Variants in NAALADL2 observed in about 807,000 individuals in gnomAD.
The protein encoded by NAALADL2 is inactive N-acetylated-alpha-linked acidic dipeptidase-like protein 2.
In NAALADL2, 76 loss-of-function variants were observed where a neutral mutation model predicts 87.2. The ratio of observed to expected loss-of-function variants is 0.87; its 90% confidence interval spans 0.72 to 1.05. The LOEUF is 1.05. NAALADL2 is among the 50% of genes least tolerant of loss of function. The probability of loss-of-function intolerance (pLI) is 0.00; values close to 1 mark genes in which losing one functional copy is unlikely to be tolerated. For synonymous variants in NAALADL2, 354 were observed against 331.0 expected (o/e 1.07, Z -0.75); for missense variants, 1,089 against 945.8 (o/e 1.15, Z -1.99).
intron 11 of NAALADL2, 49 bp downstream of exon 11, chr3:175,627,435 T>C: frequency 8.2e-7 from 1 of 1,225,522 alleles, no homozygotes; most frequent in East Asian, 2.5e-5. Context: ...TTGTTCTTCT[T>C]TATTGGTAGA....
chr3:175,021,167 C>T (rs562870425), intron 1 of NAALADL2, among the ~76,000 whole-genome samples: 2 of 152,032 alleles, frequency 1.3e-5, no homozygotes, highest in South Asian at 4.1e-4. Flanking sequence ...TGAAGGTCTC[C>T]TGTGTTTAGT....
intron 2 of NAALADL2, among the ~76,000 whole-genome samples, chr3:174,562,869 C>T (rs1009912421): frequency 6.6e-6 from 1 of 151,958 alleles, no homozygotes; most frequent in African/African-American, 2.4e-5. Flanking sequence ...TAAAGATTCA[C>T]CATTTGACCT....
chr3:175,005,980 T>A (rs766622359), intron 1 of NAALADL2, among the ~76,000 whole-genome samples: 21 of 152,224 alleles, frequency 1.4e-4, no homozygotes, highest in Non-Finnish European at 1.9e-4. Flanking sequence ...CAATATACTT[T>A]GAAATATTTA....
intron 9 of NAALADL2, among the ~76,000 whole-genome samples, chr3:175,499,386 C>A (rs1177429612): frequency 6.6e-6 from 1 of 151,998 alleles, no homozygotes; most frequent in East Asian, 1.9e-4. Flanking sequence ...GCGTAAGAGT[C>A]TCTTAATGCT....
chr3:175,677,478 G>GGTGTGTGTGTGT (rs144329998), intron 11 of NAALADL2, among the ~76,000 whole-genome samples: 4 of 140,122 alleles, frequency 2.9e-5, no homozygotes, highest in African/African-American at 1.0e-4. Flanking sequence ...AGTATAATGG[G>GGTGTGTGTGTGT]GTGTGTGTGT....
chr3:175,762,379 T>TTA (rs1291310064), intron 13 of NAALADL2, among the ~76,000 whole-genome samples: 1 of 152,104 alleles, frequency 6.6e-6, no homozygotes, highest in Non-Finnish European at 1.5e-5. Flanking sequence ...AACAATGATA[T>TTA]TATAGGAGAG....
chr3:175,073,196 G>A (rs77046048), intron 1 of NAALADL2, among the ~76,000 whole-genome samples: 16 of 152,108 alleles, frequency 1.1e-4, no homozygotes, highest in African/African-American at 3.9e-4. Flanking sequence ...ATGAGACATT[G>A]TTTGATTAGT....
In NAALADL2 at chr3:174,688,442, C is replaced by T. The variant is rs552136919; in HGVS notation, c.-114-49199C>T. 4.5e-4 allele frequency among the ~76,000 whole-genome samples: 66 copies of T among 147,090 alleles called. No homozygotes were observed. The South Asian group carries it at 4.6e-3, about 10-fold the overall frequency. On this transcript the variant is annotated intron_variant, in intron 2 of 3. Coordinates refer to the NAALADL2 transcript ENST00000434257. ...TCAGTCACATAAGGCAGAGTAAATA[C>T]GAGAAATAGTGTAAAGATTAATTAA...
chr3:175,067,386 A>T (rs536672510), intron 1 of NAALADL2, among the ~76,000 whole-genome samples: 1 of 152,264 alleles, frequency 6.6e-6, no homozygotes, highest in Admixed American at 6.6e-5. Context: ...AGAAACTTAA[A>T]CAACTCAACA....
intron 5 of NAALADL2, among the ~76,000 whole-genome samples, chr3:175,360,792 T>C (rs1356064666): frequency 6.6e-6 from 1 of 151,392 alleles, no homozygotes; most frequent in African/African-American, 2.4e-5. Flanking sequence ...TTCTTTTTTA[T>C]GGCTGAGTAA....
chr3:175,470,544 G>T (rs1724705386), intron 8 of NAALADL2, among the ~76,000 whole-genome samples: 1 of 152,080 alleles, frequency 6.6e-6, no homozygotes, highest in Non-Finnish European at 1.5e-5. Flanking sequence ...TTTGGCAGGT[G>T]TATGAGTCCT....
intron 5 of NAALADL2, among the ~76,000 whole-genome samples, chr3:175,411,782 A>G (rs1372924238): frequency 2.0e-5 from 3 of 152,088 alleles, no homozygotes; most frequent in Admixed American, 2.0e-4. Flanking sequence ...TTTAAAAACA[A>G]TTACGTTGTA....
At chr3:175,385,033 C>CTA (rs1768210934) in intron 5 of NAALADL2, among the ~76,000 whole-genome samples, 1 of 152,012 alleles carries the variant, frequency 6.6e-6, no homozygotes, top group Non-Finnish European at 1.5e-5. Context: ...AACTCAACAT[C>CTA]TATACATAAT....
chr3:174,666,974 C>T (rs935421114), intron 2 of NAALADL2, among the ~76,000 whole-genome samples: 1 of 152,064 alleles, frequency 6.6e-6, no homozygotes, highest in Middle Eastern at 3.2e-3. Flanking sequence ...AACATAGTGT[C>T]CTCAAGGTTT....
chr3:174,447,769 C>G lies in NAALADL2; in HGVS notation c.-184+6737C>G, dbSNP rs565115834. The stretch of plus-strand genomic sequence containing the variant: ...GGCGGAGCTTTCAGTGAGCCGAGAT[C>G]ACACCACTGCACTCCAGCCGGGGCA... On this transcript the variant is annotated intron_variant, in intron 1 of 3. Transcript: ENST00000434257. Among the ~76,000 whole-genome samples, 9 of 151,218 alleles carry G rather than the reference C, an allele frequency of 6.0e-5. No individual in the cohort carries two copies. The East Asian group carries it at 1.8e-3, about 30-fold the overall frequency.
intron 3 of NAALADL2, among the ~76,000 whole-genome samples, chr3:175,246,459 T>C (rs1323047743): frequency 1.3e-5 from 2 of 152,108 alleles, no homozygotes; most frequent in African/African-American, 4.8e-5. Flanking sequence ...GAATGATGGA[T>C]TTGGTTGAAA....
chr3:175,767,059 G>T (rs1012372748), intron 13 of NAALADL2, among the ~76,000 whole-genome samples: 1 of 152,114 alleles, frequency 6.6e-6, no homozygotes, highest in Non-Finnish European at 1.5e-5. Context: ...GCTTACATGA[G>T]CTACACTAGT....
intron 3 of NAALADL2, among the ~76,000 whole-genome samples, chr3:174,836,666 G>A (rs146736021): frequency 0.028 from 3,447 of 123,388 alleles, 148 homozygotes; most frequent in African/African-American, 0.1. Context: ...CCGAAATCGC[G>A]CCACAGCACT....
At chr3:175,787,042 A>G (rs1015792603) in intron 13 of NAALADL2, among the ~76,000 whole-genome samples, 13 of 151,964 alleles carry the variant, frequency 8.6e-5, no homozygotes, top group African/African-American at 3.1e-4. Flanking sequence ...GGGGTCAGGG[A>G]CCCACTTGAG....
Sources: gnomAD v4.1 joint callset for allele counts (sites outside exome capture counted in the v4.1 genomes callset) on GRCh38, gnomAD v4.1.1 for gene constraint, MANE v1.5 for transcripts, NCBI Gene and HGNC (gene_info 2026-07-23, HGNC 2026-07-21) for gene names.